EDIL3: variants seen among roughly 807,000 people sequenced by gnomAD.
The protein encoded by EDIL3 is EGF like and discoidin domains 3, also known as EGF-like repeat and discoidin I-like domain-containing protein 3.
Under a neutral mutation model 67.4 loss-of-function variants are expected in EDIL3, and 37 were observed. The observed-to-expected ratio is 0.55, with a 90% CI of 0.42 to 0.72. EDIL3 has a LOEUF of 0.72. Among genes scored for constraint, EDIL3 ranks in the 30% least tolerant of loss-of-function variants. The pLI is 0.00. For missense variants in EDIL3, 527 were observed against 586.3 expected (o/e 0.90, Z 1.04); for synonymous variants, 195 against 196.3 (o/e 0.99, Z 0.05).
At chr5:84,332,766 G>T (rs1236114465) in intron 1 of EDIL3, among the ~76,000 whole-genome samples, 1 of 152,058 alleles carries the variant, frequency 6.6e-6, no homozygotes, top group East Asian at 1.9e-4. Flanking sequence ...TATATTTAAG[G>T]TGCAAACAAT....
intron 5 of EDIL3, among the ~76,000 whole-genome samples, chr5:84,135,941 A>T (rs926303662): frequency 6.6e-6 from 1 of 151,924 alleles, no homozygotes; most frequent in South Asian, 2.1e-4. Context: ...ATTTATATAT[A>T]CTTATATATC....
intron 3 of EDIL3, among the ~76,000 whole-genome samples, chr5:84,213,732 T>TA (rs988543658): frequency 2.0e-5 from 3 of 152,090 alleles, no homozygotes; most frequent in African/African-American, 4.8e-5. Flanking sequence ...TATATTTTCT[T>TA]AAAAAAAGGT....
chr5:84,310,474 C>T (rs1031618397), intron 1 of EDIL3, among the ~76,000 whole-genome samples: 3 of 151,982 alleles, frequency 2.0e-5, no homozygotes, highest in African/African-American at 7.3e-5. Context: ...TTAAATAATT[C>T]ACAGAAAAAA....
intron 2 of EDIL3, among the ~76,000 whole-genome samples, chr5:84,231,912 T>G (rs985478199): frequency 6.6e-6 from 1 of 152,182 alleles, no homozygotes; most frequent in South Asian, 2.1e-4. Context: ...TTATGGCTGG[T>G]CACTTTATGT....
intron 4 of EDIL3, among the ~76,000 whole-genome samples, chr5:84,177,275 T>C (rs1323239161): frequency 6.6e-6 from 1 of 152,136 alleles, no homozygotes; most frequent in Non-Finnish European, 1.5e-5. Flanking sequence ...AATAAACTAT[T>C]AAGTCCTAAA....
At chr5:84,327,144 C>T (rs1746778867) in intron 1 of EDIL3, among the ~76,000 whole-genome samples, 1 of 151,910 alleles carries the variant, frequency 6.6e-6, no homozygotes. Flanking sequence ...ATCTACCCTG[C>T]TAGCAAATTT....
intron 9 of EDIL3, among the ~76,000 whole-genome samples, chr5:83,997,877 C>CT (rs1357341434): frequency 1.3e-5 from 2 of 152,106 alleles, no homozygotes; most frequent in African/African-American, 4.8e-5. Context: ...CAGTACTGCC[C>CT]TGTCACAGTG....
At chr5:84,122,124 A>G (rs918149391) in intron 5 of EDIL3, among the ~76,000 whole-genome samples, 3 of 151,938 alleles carry the variant, frequency 2.0e-5, no homozygotes, top group Admixed American at 6.6e-5. Context: ...TCACTCTTGT[A>G]TATCTCCTCA....
chr5:84,132,298 A>ATATATACTATATATTATATATATTT lies in EDIL3; in HGVS notation c.469+4942_469+4943insAAATATATATAATATATAGTATATA, dbSNP rs1561440461. ...TTTTTTCATATATAGTATATATTTT[A>ATATATACTATATATTATATATATTT]TATATAATATATATTATATATATTT... On this transcript the variant is annotated intron_variant, in intron 5 of 10. Coordinates refer to ENST00000296591, the MANE Select transcript of EDIL3 (RefSeq NM_005711.5). 3.6e-3 allele frequency among the ~76,000 whole-genome samples: 337 copies of ATATATACTATATATTATATATATTT among 93,432 alleles called. 10 individuals carry two copies. The highest frequency in any genetic ancestry group is 0.013 in the African/African-American group (320 of 24,716). The allele number at this position is 93,432 out of a possible 152,430, so 61.3% of individuals were successfully genotyped here.
intron 5 of EDIL3, 149 bp from the exon 6 acceptor site, chr5:84,106,979 G>A (rs924011453): frequency 7.0e-6 from 6 of 857,014 alleles, no homozygotes; most frequent in South Asian, 2.0e-5. Flanking sequence ...ATCTGTTATC[G>A]ATCTCTAAAT....
intron 1 of EDIL3, among the ~76,000 whole-genome samples, chr5:84,312,343 C>T (rs1474410849): frequency 6.9e-6 from 1 of 145,714 alleles, no homozygotes; most frequent in African/African-American, 2.6e-5. Context: ...GCTGACCCCC[C>T]CACCTCCCTC....
intron 1 of EDIL3, among the ~76,000 whole-genome samples, chr5:84,334,639 T>A (rs934905841): frequency 2.0e-5 from 3 of 152,172 alleles, no homozygotes; most frequent in Non-Finnish European, 4.4e-5. Flanking sequence ...AAAACAAACC[T>A]GGTTTCTGCA....
chr5:84,288,867 T>C (rs767558255), intron 1 of EDIL3, among the ~76,000 whole-genome samples: 1 of 152,154 alleles, frequency 6.6e-6, no homozygotes, highest in East Asian at 1.9e-4. Context: ...CCCACAAGAA[T>C]AGACTTTTTT....
At chr5:84,181,836 G>A (rs342405) in intron 3 of EDIL3, among the ~76,000 whole-genome samples, 1 of 151,900 alleles carries the variant, frequency 6.6e-6, no homozygotes, top group Non-Finnish European at 1.5e-5. Flanking sequence ...TAATTGGAGA[G>A]AGTAGAACAT....
At chr5:83,988,647 G>T (rs142751189) in intron 9 of EDIL3, among the ~76,000 whole-genome samples, 2 of 152,236 alleles carry the variant, frequency 1.3e-5, no homozygotes, top group Admixed American at 1.3e-4. Flanking sequence ...CATAACAACT[G>T]CCCCTGACCT....
intron 3 of EDIL3, among the ~76,000 whole-genome samples, chr5:84,182,194 A>C (rs989407914): frequency 1.3e-5 from 2 of 151,826 alleles, no homozygotes; most frequent in African/African-American, 4.8e-5. Context: ...TCAGAGGCTG[A>C]GGCGGGCAGA....
chr5:84,115,010 G>A (rs538029265), intron 5 of EDIL3, among the ~76,000 whole-genome samples: 32 of 152,260 alleles, frequency 2.1e-4, no homozygotes, highest in African/African-American at 6.7e-4. Flanking sequence ...TTACAAATGG[G>A]CAGCTCTCAA....
intron 10 of EDIL3, among the ~76,000 whole-genome samples, chr5:83,947,199 G>T (rs1744324561): frequency 6.6e-6 from 1 of 151,848 alleles, no homozygotes; most frequent in African/African-American, 2.4e-5. Context: ...AAGGTTGAGT[G>T]AGACTTTCTA....
chr5:84,283,130 GAT>G (rs1336387685), intron 1 of EDIL3, among the ~76,000 whole-genome samples: 1 of 151,958 alleles, frequency 6.6e-6, no homozygotes, highest in Non-Finnish European at 1.5e-5. Context: ...TATAGGAGCA[GAT>G]ATAGAGCATA....
Sources: gnomAD v4.1 joint callset for allele counts (sites outside exome capture counted in the v4.1 genomes callset) on GRCh38, gnomAD v4.1.1 for gene constraint, MANE v1.5 for transcripts, NCBI Gene and HGNC (gene_info 2026-07-23, HGNC 2026-07-21) for gene names.